The following PPEF1 variants were observed in gnomAD, a reference collection of about 807,000 sequenced individuals.
PPEF1 encodes serine/threonine-protein phosphatase with EF-hands 1.
A neutral mutation model predicts 53.3 loss-of-function variants in PPEF1; 12 were observed. The observed-to-expected ratio is 0.23, with a 90% CI of 0.14 to 0.36. The LOEUF is 0.36. Ranked by LOEUF, PPEF1 falls within the 10% of genes least tolerant of loss-of-function variation. PPEF1 has a pLI of 1.00. For synonymous variants in PPEF1, 165 were observed against 176.7 expected (o/e 0.93, Z 0.52); for missense variants, 334 against 490.4 (o/e 0.68, Z 3.01).
rs144984972 is a variant in PPEF1 at position 18,813,695 on chromosome X, T to C, written c.1395-4344T>C. Among the ~76,000 whole-genome samples, 484 of 111,732 alleles carry C rather than the reference T, an allele frequency of 4.3e-3. 2 individuals are homozygous for C. The highest frequency in any genetic ancestry group is 0.015 in the African/African-American group (448 of 30,840). On this transcript the variant is annotated intron_variant, in intron 12 of 15. Transcript: ENST00000470157. Reference sequence around the variant, plus strand: ...TTAAGTATGATGTTAGCTGTGTATTTTTATAGATGCCTCTCGTCAAGTGGA... The same window carrying C: ...TTAAGTATGATGTTAGCTGTGTATTCTTATAGATGCCTCTCGTCAAGTGGA...
At chrX:18,691,162 G>A (rs930097188) in intron 4 of PPEF1, 2 of 111,901 alleles carry the variant, frequency 1.8e-5, no homozygotes, top group Admixed American at 9.5e-5. Flanking sequence ...GACAATGATC[G>A]AAAGTTAACC....
At chrX:18,759,198 G>T (rs1167716328) in intron 5 of PPEF1, among the ~76,000 whole-genome samples, 1 of 111,076 alleles carries the variant, frequency 9.0e-6, no homozygotes, top group Non-Finnish European at 1.9e-5. Flanking sequence ...TGGCACCATT[G>T]GTAGGGGGAA....
At chrX:18,816,456 G>A (rs1467833150) in intron 12 of PPEF1, among the ~76,000 whole-genome samples, 1 of 111,508 alleles carries the variant, frequency 9.0e-6, no homozygotes, top group Non-Finnish European at 1.9e-5. Context: ...GCCTAGCATC[G>A]AGTCTATTGT....
At chrX:18,793,434 C>G (rs1042812588) in intron 10 of PPEF1, among the ~76,000 whole-genome samples, 5 of 111,297 alleles carry the variant, frequency 4.5e-5, no homozygotes, top group Non-Finnish European at 9.4e-5. Flanking sequence ...GATTTAAATT[C>G]CTTTAAAACT....
chrX:18,773,807 T>G (rs1210458767), intron 6 of PPEF1, among the ~76,000 whole-genome samples: 1 of 111,410 alleles, frequency 9.0e-6, no homozygotes, highest in Non-Finnish European at 1.9e-5. Context: ...GTTTACACAC[T>G]CCATGTCTCC....
chrX:18,745,270 G>A (rs2045307054), intron 3 of PPEF1, among the ~76,000 whole-genome samples: 1 of 101,389 alleles, frequency 9.9e-6, no homozygotes, highest in African/African-American at 3.6e-5. Context: ...CTAGAGCACA[G>A]TAACATGATC....
At chrX:18,726,019 T>C (rs1569249034) in intron 1 of PPEF1, among the ~76,000 whole-genome samples, 2 of 110,907 alleles carry the variant, frequency 1.8e-5, no homozygotes, top group Non-Finnish European at 3.8e-5. Context: ...TGGCAGTAGA[T>C]GTCAGGTGTC....
At chrX:18,700,273 GTGTGTGTGTT>G (rs1930009618) in intron 5 of PPEF1, 1 of 48,750 alleles carries the variant, frequency 2.1e-5, no homozygotes, top group Non-Finnish European at 5.8e-5. Context: ...GTGTGTGTGT[GTGTGTGTGTT>G]TGTGTGGGGT....
chrX:18,720,327 C>T (rs759132047), intron 1 of PPEF1, among the ~76,000 whole-genome samples: 1 of 111,960 alleles, frequency 8.9e-6, no homozygotes, highest in Non-Finnish European at 1.9e-5. Context: ...CGCAGTGGCT[C>T]ATGCCTGTGA....
At chrX:18,778,295 G>T (rs898484584) in intron 6 of PPEF1, among the ~76,000 whole-genome samples, 3 of 111,207 alleles carry the variant, frequency 2.7e-5, no homozygotes, top group African/African-American at 9.8e-5. Context: ...CCAGGCCTTT[G>T]TTCTGATCTC....
At chrX:18,705,895 T>C (rs2044183952), upstream of PPEF1, among the ~76,000 whole-genome samples, 1 of 111,124 alleles carries the variant, frequency 9.0e-6, no homozygotes, top group Non-Finnish European at 1.9e-5. Context: ...TTCAGTCGAG[T>C]TGAAATTTTG....
intron 12 of PPEF1, among the ~76,000 whole-genome samples, chrX:18,809,661 C>T (rs2046764274): frequency 9.3e-6 from 1 of 107,641 alleles, no homozygotes; most frequent in African/African-American, 3.4e-5. Flanking sequence ...GCCAAGACTG[C>T]ACCACTGCAC....
At chrX:18,760,634 G>T (rs190665576) in intron 5 of PPEF1, among the ~76,000 whole-genome samples, 1 of 109,844 alleles carries the variant, frequency 9.1e-6, no homozygotes, top group Non-Finnish European at 1.9e-5. Flanking sequence ...TTGAGACAGG[G>T]TCTCACTTTG....
intron 4 of PPEF1, among the ~76,000 whole-genome samples, chrX:18,751,164 G>A (rs946570441): frequency 8.1e-5 from 9 of 111,680 alleles, no homozygotes; most frequent in African/African-American, 2.3e-4. Context: ...GCATAAAAGC[G>A]TTACATTTTG....
At chrX:18,791,522 CTT>C (rs1042012244) in intron 10 of PPEF1, among the ~76,000 whole-genome samples, 4 of 112,059 alleles carry the variant, frequency 3.6e-5, no homozygotes, top group African/African-American at 1.3e-4. Flanking sequence ...ATACAACTGA[CTT>C]TTATATACTG....
At chrX:18,727,305 G>A (rs2044731654) in intron 1 of PPEF1, among the ~76,000 whole-genome samples, 1 of 111,028 alleles carries the variant, frequency 9.0e-6, no homozygotes, top group African/African-American at 3.3e-5. Flanking sequence ...GAGAACCCCT[G>A]AGGCCAGAGG....
intron 1 of PPEF1, among the ~76,000 whole-genome samples, chrX:18,677,034 TC>T (rs140516847): frequency 1.0e-5 from 1 of 100,308 alleles, no homozygotes; most frequent in East Asian, 3.3e-4. Flanking sequence ...GTCATCACAA[TC>T]TTTTTTTTTT....
intron 6 of PPEF1, among the ~76,000 whole-genome samples, chrX:18,763,952 G>C (rs978757024): frequency 9.0e-6 from 1 of 111,571 alleles, no homozygotes; most frequent in Non-Finnish European, 1.9e-5. Flanking sequence ...GAGGGGGCTG[G>C]TGAAAGAGCA....
chrX:18,680,539 C>G (rs1419689089), upstream of PPEF1, among the ~76,000 whole-genome samples: 3 of 106,187 alleles, frequency 2.8e-5, no homozygotes, highest in Non-Finnish European at 5.8e-5. Context: ...AATGATTCTC[C>G]TGCCTCAGCA....
Sources: allele counts gnomAD v4.1 joint callset (sites outside exome capture counted in the v4.1 genomes callset), GRCh38; gene constraint gnomAD v4.1.1; transcripts MANE v1.5; gene names NCBI Gene and HGNC (gene_info 2026-07-23, HGNC 2026-07-21).